Variants in CATSPERB observed in about 807,000 individuals in gnomAD.
CATSPERB encodes the protein catsper channel auxiliary subunit beta.
Under a neutral mutation model 128.3 loss-of-function variants are expected in CATSPERB, and 93 were observed. That is an observed-to-expected ratio of 0.72 (90% CI 0.61 to 0.86). CATSPERB has a LOEUF of 0.86. Among genes scored for constraint, CATSPERB ranks in the 40% least tolerant of loss-of-function variants. The pLI, the probability that CATSPERB is intolerant of heterozygous loss-of-function variation, is 0.00. For missense variants in CATSPERB, 1,153 were observed against 1,329.5 expected (o/e 0.87, Z 2.06); for synonymous variants, 381 against 448.8 (o/e 0.85, Z 1.91).
At chr14:91,634,854 C>T (rs1894344194) in intron 17 of CATSPERB, among the ~76,000 whole-genome samples, 1 of 149,956 alleles carries the variant, frequency 6.7e-6, no homozygotes, top group South Asian at 2.2e-4. Context: ...ATAGAGTCCA[C>T]CACTTGGAGA....
Position 91,693,210 on chromosome 14 carries a change from T to G in CATSPERB, c.747A>C (p.Leu249Phe). 1.9e-6 allele frequency: 3 copies of G among 1,613,682 alleles called. No individual in the cohort carries two copies. The highest frequency in any genetic ancestry group is 2.5e-6 in the Non-Finnish European group (3 of 1,179,660). ...YEDLSLVDMV[L>F]TNHFLVILTS... ...TGAGGATAACTAAAAAATGATTCGTTAAAACCATATCCACCAATGAAAGGT... is the reference window on the plus strand; with the variant it reads ...TGAGGATAACTAAAAAATGATTCGTGAAAACCATATCCACCAATGAAAGGT... Residue 249 changes from leucine to phenylalanine, a missense_variant, in exon 9 of 27, where the codon TTA becomes TTC. Physicochemically the swap from Leu to Phe is conservative, Grantham distance 22. Coordinates refer to ENST00000256343, the MANE Select transcript of CATSPERB (RefSeq NM_024764.4).
At chr14:91,714,880 G>C (rs930575903) in intron 5 of CATSPERB, 1 of 152,058 alleles carries the variant, frequency 6.6e-6, no homozygotes, top group African/African-American at 2.4e-5. Context: ...AACTACTTAG[G>C]TATAACTTAA....
intron 22 of CATSPERB, among the ~76,000 whole-genome samples, chr14:91,595,276 G>C (rs1389445888): frequency 6.6e-6 from 1 of 151,518 alleles, no homozygotes; most frequent in African/African-American, 2.4e-5. Flanking sequence ...TCTATAGGAG[G>C]AATCTCAGAT....
chr14:91,598,029 T>A (rs2139765694), intron 22 of CATSPERB, among the ~76,000 whole-genome samples: 1 of 151,950 alleles, frequency 6.6e-6, no homozygotes, highest in African/African-American at 2.4e-5. Context: ...TATTGTGACT[T>A]ACACTGACTA....
chr14:91,617,984 T>C (rs1038517937), intron 19 of CATSPERB, among the ~76,000 whole-genome samples: 12 of 152,144 alleles, frequency 7.9e-5, no homozygotes, highest in African/African-American at 1.4e-4. Flanking sequence ...GGTGAGTCCA[T>C]AGAGTAAAGT....
chr14:91,705,943 T>C (rs1490172085), intron 6 of CATSPERB, among the ~76,000 whole-genome samples: 1 of 152,176 alleles, frequency 6.6e-6, no homozygotes, highest in Admixed American at 6.5e-5. Context: ...GGAGGGTTTT[T>C]TTTCTTTTAG....
chr14:91,610,678 C>G lies in CATSPERB; in HGVS notation c.2401-1G>C, dbSNP rs1171476037. On this transcript the variant is annotated splice_acceptor_variant, in intron 20 of 26. Transcript: ENST00000256343. LOFTEE classifies it high-confidence loss of function. ...TAATAAATGCCAGTGAAGTTGAACC[C>G]TGGAAATAACCAAATAAATGAAGGT... 2 of 1,613,560 alleles carry G rather than the reference C, an allele frequency of 1.2e-6. No homozygotes were observed. Among genetic ancestry groups the G allele is most frequent in the African/African-American group, 2.7e-5 (2 of 74,874 alleles).
chr14:91,595,834 A>G (rs1326129736), intron 22 of CATSPERB, among the ~76,000 whole-genome samples: 2 of 152,244 alleles, frequency 1.3e-5, no homozygotes, highest in African/African-American at 4.8e-5. Context: ...TAAATTAAGA[A>G]TAGTCACAAA....
intron 5 of CATSPERB, among the ~76,000 whole-genome samples, chr14:91,708,778 T>C (rs1895780654): frequency 1.3e-5 from 2 of 152,216 alleles, no homozygotes; most frequent in Admixed American, 6.5e-5. Context: ...ACATTAAATG[T>C]AAGTGGTCTA....
At chr14:91,685,890 T>C (rs1895366021) in intron 10 of CATSPERB, among the ~76,000 whole-genome samples, 1 of 152,208 alleles carries the variant, frequency 6.6e-6, no homozygotes, top group Non-Finnish European at 1.5e-5. Flanking sequence ...GCATTTTGTG[T>C]GTCACAAGAA....
intron 7 of CATSPERB, among the ~76,000 whole-genome samples, chr14:91,701,953 G>C (rs1180731935): frequency 6.6e-6 from 1 of 151,680 alleles, no homozygotes; most frequent in Non-Finnish European, 1.5e-5. Flanking sequence ...GTTGCAGCTT[G>C]ATACTGTGAG....
intron 14 of CATSPERB, among the ~76,000 whole-genome samples, chr14:91,668,488 C>T (rs1264088696): frequency 1.3e-5 from 2 of 152,166 alleles, no homozygotes; most frequent in Non-Finnish European, 2.9e-5. Flanking sequence ...ATGGACCAAT[C>T]AGCAAGATGT....
intron 18 of CATSPERB, 41 bp from the exon 19 acceptor site, chr14:91,621,978 TC>T (rs1392766918): frequency 1.4e-6 from 2 of 1,382,244 alleles, no homozygotes; most frequent in East Asian, 2.4e-5. Context: ...AAATCAAACA[TC>T]CGATGTTTGC....
At chr14:91,721,137 T>C (rs552890428) in intron 4 of CATSPERB, among the ~76,000 whole-genome samples, 4 of 152,098 alleles carry the variant, frequency 2.6e-5, no homozygotes, top group African/African-American at 7.2e-5. Context: ...GAAGAAAACA[T>C]GTGGGATAAA....
chr14:91,587,295 C>T lies in CATSPERB; in HGVS notation c.3058-19G>A, dbSNP rs184736439. Reference sequence around the variant, plus strand: ...CAGAGCCCTGTGGAAAAAAGCACACCCAGTTGTTAGCAGCATCAACATGTA... The same window carrying T: ...CAGAGCCCTGTGGAAAAAAGCACACTCAGTTGTTAGCAGCATCAACATGTA... On this transcript the variant is annotated intron_variant, in intron 25 of 26. Transcript: ENST00000256343. 2 of 1,586,946 alleles carry T rather than the reference C, an allele frequency of 1.3e-6. No individual in the cohort carries two copies. The highest frequency in any genetic ancestry group is 1.8e-5 in the Admixed American group (1 of 55,836).
chr14:91,697,032 G>C (rs930155982), intron 7 of CATSPERB, among the ~76,000 whole-genome samples: 4 of 152,166 alleles, frequency 2.6e-5, no homozygotes, highest in African/African-American at 9.7e-5. Context: ...ATTTTGCAGA[G>C]TGGGAAAATA....
At chr14:91,707,433 T>C (rs1255525544) in intron 6 of CATSPERB, among the ~76,000 whole-genome samples, 1 of 151,896 alleles carries the variant, frequency 6.6e-6, no homozygotes, top group African/African-American at 2.4e-5. Context: ...GCAATTACTA[T>C]TGAATAATTA....
rs145284806 is a variant in CATSPERB at position 91,665,412 on chromosome 14, G to GA, written c.1287+4401dup. Among the ~76,000 whole-genome samples, 216 of 152,184 alleles carry GA rather than the reference G, an allele frequency of 1.4e-3. 2 individuals are homozygous for GA. Among genetic ancestry groups the GA allele is most frequent in the African/African-American group, 4.9e-3 (203 of 41,528 alleles). ...TTCTACTCAGTTGGAGAAATACAGA[G>GA]AAAAAAACACAAGATGGAGACTGGG... On this transcript the variant is annotated intron_variant, in intron 14 of 26. Coordinates refer to ENST00000256343, the MANE Select transcript of CATSPERB (RefSeq NM_024764.4).
At chr14:91,615,194 A>G (rs1893912578) in intron 20 of CATSPERB, among the ~76,000 whole-genome samples, 1 of 152,136 alleles carries the variant, frequency 6.6e-6, no homozygotes, top group Non-Finnish European at 1.5e-5. Flanking sequence ...AGAAGCATGT[A>G]TTACTGCCTG....
Sources: allele counts gnomAD v4.1 joint callset (sites outside exome capture counted in the v4.1 genomes callset), GRCh38; gene constraint gnomAD v4.1.1; transcripts MANE v1.5; gene names NCBI Gene and HGNC (gene_info 2026-07-23, HGNC 2026-07-21).